WNT10A: variants seen among roughly 807,000 people sequenced by gnomAD.
WNT10A encodes protein Wnt-10a.
Under a neutral mutation model 36.1 loss-of-function variants are expected in WNT10A, and 37 were observed. That is an observed-to-expected ratio of 1.02 (90% CI 0.79 to 1.35). WNT10A has a LOEUF of 1.35. Ranked by LOEUF, WNT10A falls within the 40% of genes most tolerant of loss-of-function variation. WNT10A has a pLI of 0.00. For missense variants in WNT10A, 613 were observed against 601.4 expected (o/e 1.02, Z -0.20); for synonymous variants, 255 against 254.1 (o/e 1.00, Z -0.03).
intron 2 of WNT10A, 115 bp downstream of exon 2, chr2:218,882,538 A>G (rs2106011798): frequency 7.4e-7 from 1 of 1,345,494 alleles, no homozygotes; most frequent in Non-Finnish European, 1.0e-6. Flanking sequence ...ATCCCCACAC[A>G]CCCATCTGTT....
In WNT10A at chr2:218,893,144, G is replaced by C. The variant is rs1167077564; in HGVS notation, c.1127G>C (p.Cys376Ser). The C allele has an allele frequency of 1.3e-6, 2 of 1,591,054 alleles. No homozygotes were observed. Among genetic ancestry groups the C allele is most frequent in the Admixed American group, 1.7e-5 (1 of 59,410 alleles). ...SAGSDGCGSM[C>S]CGRGHNILRQ... ...GGCTCGGATGGCTGCGGCAGCATGT[G>C]CTGCGGCCGCGGCCACAACATCCTG... The change falls in exon 4 of 4, where the codon TGC becomes TCC. Residue 376 changes from cysteine to serine, a missense_variant. Coordinates refer to ENST00000258411, the MANE Select transcript of WNT10A (RefSeq NM_025216.3). The surrounding 1 kb of genome is among the most constrained non-coding windows in gnomAD (Gnocchi z 6.3).
rs1282315503 is a variant in WNT10A at position 218,893,209 on chromosome 2, T to C, written c.1192T>C (p.Trp398Arg). Residue 398 changes from tryptophan (W) to arginine (R), a missense_variant, in exon 4 of 4, where the codon TGG (tryptophan) becomes CGG (arginine). Coordinates refer to ENST00000258411, the MANE Select transcript of WNT10A (RefSeq NM_025216.3). This position sits in a 1 kb window ranked among gnomAD's most constrained non-coding sequence, Gnocchi z 6.3. ...CGAGCGCTGCCACTGCCGCTTCCAC[T>C]GGTGCTGTTTCGTGGTCTGCGAAGA... ...RSERCHCRFH[W>R]CCFVVCEECR... The C allele has an allele frequency of 5.1e-6, 8 of 1,574,584 alleles. No individual in the cohort carries two copies. Among genetic ancestry groups the C allele is most frequent in the African/African-American group, 1.3e-5 (1 of 74,428 alleles).
At chr2:218,881,556 GTGTGTGTGTGTGTT>G (rs899654553) in intron 1 of WNT10A, among the ~76,000 whole-genome samples, 12 of 152,026 alleles carry the variant, frequency 7.9e-5, no homozygotes, top group Non-Finnish European at 1.6e-4. Context: ...GTGTGTGTGT[GTGTGTGTGTGTGTT>G]TTCAATCGAG....
chr2:218,886,901 G>A (rs964182305), intron 2 of WNT10A, among the ~76,000 whole-genome samples: 2 of 152,262 alleles, frequency 1.3e-5, no homozygotes, highest in South Asian at 2.1e-4. Context: ...GCCACAGGGT[G>A]GTGTAGGGAA....
At chr2:218,891,145 A>G (rs1284346181) in intron 3 of WNT10A, among the ~76,000 whole-genome samples, 1 of 152,218 alleles carries the variant, frequency 6.6e-6, no homozygotes, top group Non-Finnish European at 1.5e-5. Context: ...AAACTGAGGC[A>G]TGGATTGACC....
chr2:218,883,954 TCCGCGCTGCCCGCAG>T (rs1395571207), intron 2 of WNT10A: 1 of 152,372 alleles, frequency 6.6e-6, no homozygotes, highest in Non-Finnish European at 1.5e-5. Context: ...TTCTAGGTCG[TCCGCGCTGCCCGCAG>T]CCGCGTTTCC....
In WNT10A at chr2:218,890,249, C is replaced by T. The variant is rs1220459716; in HGVS notation, c.642C>T (p.Cys214=). ...GLQDSWEWGG[C]SPDMGFGERF... ...AGGACTCCTGGGAGTGGGGCGGCTGCAGCCCCGACATGGGCTTCGGGGAGC... is the reference window on the plus strand; with the variant it reads ...AGGACTCCTGGGAGTGGGGCGGCTGTAGCCCCGACATGGGCTTCGGGGAGC... Residue 214 remains cysteine, a synonymous_variant, in exon 3 of 4, where the codon TGC becomes TGT. Transcript: ENST00000258411. 1 of 1,613,468 alleles carries T rather than the reference C, an allele frequency of 6.2e-7. No individual in the cohort carries two copies. The highest frequency in any genetic ancestry group is 8.5e-7 in the Non-Finnish European group (1 of 1,179,958).
In WNT10A at chr2:218,893,406, C is replaced by G; in HGVS notation, c.*135C>G. On this transcript the variant is annotated 3_prime_UTR_variant, in exon 4 of 4. Transcript: ENST00000258411. This position sits in a 1 kb window ranked among gnomAD's most constrained non-coding sequence, Gnocchi z 6.3. Reference sequence around the variant, plus strand: ...TTGGACCACATGATCTTATAGGAACCCCTCAGCTCTGAGGTCTGTGATCGC... The same window carrying G: ...TTGGACCACATGATCTTATAGGAACGCCTCAGCTCTGAGGTCTGTGATCGC... 5 of 1,283,270 alleles carry G rather than the reference C, an allele frequency of 3.9e-6. No individual in the cohort carries two copies. The highest frequency in any genetic ancestry group is 5.2e-6 in the Non-Finnish European group (5 of 958,176). 79.5% of individuals were successfully genotyped at this position (1,283,270 alleles called of 1,614,324 possible).
At chr2:218,875,444 C>T in the WNT10A span, among the ~76,000 whole-genome samples, 1 of 152,032 alleles carries the variant, frequency 6.6e-6, no homozygotes, top group Admixed American at 6.6e-5. Flanking sequence ...CCTGCCTTGG[C>T]CTCCCAAAGT....
In WNT10A at chr2:218,890,015, C is replaced by G. The variant is rs201117517; in HGVS notation, c.408C>G (p.Ile136Met). ...GFRESAFAYA[I>M]AAAGVVHAVS... ...GAGAGAGCGCTTTTGCCTACGCCAT[C>G]GCAGCAGCTGGCGTGGTGCACGCCG... Residue 136 changes from isoleucine to methionine, a missense_variant, in exon 3 of 4, where the codon ATC becomes ATG. Transcript: ENST00000258411. 140 of 1,613,592 alleles carry G rather than the reference C, an allele frequency of 8.7e-5. 1 individual carries two copies. The highest frequency in any genetic ancestry group is 1.7e-4 in the Admixed American group (10 of 60,034).
intron 3 of WNT10A, among the ~76,000 whole-genome samples, chr2:218,891,612 G>GCCA (rs1559415471): frequency 6.6e-6 from 1 of 151,820 alleles, no homozygotes; most frequent in Non-Finnish European, 1.5e-5. Flanking sequence ...TACCAACGGT[G>GCCA]CCTCCTCCTC....
At position 218,890,279 on chromosome 2, in the gene WNT10A, T is replaced by C; in HGVS notation, c.672T>C (p.Phe224=). 1 of 1,609,888 alleles carries C rather than the reference T, an allele frequency of 6.2e-7. No homozygotes were observed. The change falls in exon 3 of 4, where the codon TTT becomes TTC. Residue 224 remains phenylalanine (F), a synonymous_variant. Transcript: ENST00000258411. ...CCGACATGGGCTTCGGGGAGCGCTT[T>C]TCTAAGGACTTTCTGGACTCCCGGG... ...CSPDMGFGER[F]SKDFLDSREP...
At chr2:218,889,565 T>C (rs1053613182) in intron 2 of WNT10A, among the ~76,000 whole-genome samples, 2 of 152,256 alleles carry the variant, frequency 1.3e-5, no homozygotes, top group African/African-American at 2.4e-5. Flanking sequence ...AATGAATTCT[T>C]TAGCTTAAAT....
chr2:218,881,714 G>A (rs912489477), intron 1 of WNT10A, among the ~76,000 whole-genome samples: 3 of 152,216 alleles, frequency 2.0e-5, no homozygotes, highest in Non-Finnish European at 2.9e-5. Context: ...GTGTGTGTCT[G>A]TAACTATGTC....
At position 218,881,039 on chromosome 2, in the gene WNT10A, A is replaced by C; in HGVS notation, c.44A>C (p.Gln15Pro). 1 of 1,602,876 alleles carries C rather than the reference A, an allele frequency of 6.2e-7. No homozygotes were observed. The highest frequency in any genetic ancestry group is 8.5e-7 in the Non-Finnish European group (1 of 1,175,100). ...CGCCCCTGGCTGCGGCTCCGACCCC[A>C]GCCCCAGCCGCGGCCAGCGCTCTGG... ...HPRPWLRLRP[Q>P]PQPRPALWVL... The change falls in exon 1 of 4, where the codon CAG becomes CCG. Residue 15 changes from glutamine to proline, a missense_variant. By Grantham distance (76) the Gln-to-Pro change is moderately conservative. Coordinates refer to ENST00000258411, the MANE Select transcript of WNT10A (RefSeq NM_025216.3).
intron 3 of WNT10A, among the ~76,000 whole-genome samples, chr2:218,892,276 TCACCGAA>T (rs1343593538): frequency 6.7e-6 from 1 of 148,254 alleles, no homozygotes; most frequent in Non-Finnish European, 1.5e-5. Flanking sequence ...TTTCTGAAAC[TCACCGAA>T]CACCCCTCCA....
chr2:218,879,173 CCGT>C (rs1256811964), upstream of WNT10A, among the ~76,000 whole-genome samples: 1 of 147,574 alleles, frequency 6.8e-6, no homozygotes, highest in Non-Finnish European at 1.5e-5. Flanking sequence ...GGGGAGTATG[CCGT>C]CAGCCTGCTG....
chr2:218,875,159 C>CTTTTTTTTTTTTTTTTTT, the WNT10A span, among the ~76,000 whole-genome samples: 7 of 36,864 alleles, frequency 1.9e-4, 3 homozygotes, highest in African/African-American at 1.5e-4. Flanking sequence ...GACTGACTTT[C>CTTTTTTTTTTTTTTTTTT]TTTTTTTTTT....
chr2:218,874,596 G>A, the WNT10A span, among the ~76,000 whole-genome samples: 2 of 152,216 alleles, frequency 1.3e-5, no homozygotes, highest in South Asian at 2.1e-4. Flanking sequence ...ATTCTCCAGA[G>A]CTGAAGCTTG....
Sources: gnomAD v4.1 joint callset for allele counts (sites outside exome capture counted in the v4.1 genomes callset) on GRCh38, gnomAD v4.1.1 for gene constraint, Gnocchi (gnomAD v3.1) non-coding constraint, MANE v1.5 for transcripts, NCBI Gene and HGNC (gene_info 2026-07-23, HGNC 2026-07-21) for gene names.